The following GRID2 variants were observed in gnomAD, a reference collection of about 807,000 sequenced individuals.
The protein encoded by GRID2 is glutamate receptor ionotropic, delta-2.
GRID2 carries 33 observed loss-of-function variants against 114.8 expected under a neutral mutation model. The ratio of observed to expected loss-of-function variants is 0.29; its 90% CI spans 0.22 to 0.38. The LOEUF is 0.38. Among genes scored for constraint, GRID2 ranks in the 10% least tolerant of loss-of-function variants. The probability of loss-of-function intolerance (pLI) is 1.00; values close to 1 mark genes in which losing one functional copy is unlikely to be tolerated. For missense variants in GRID2, 1,184 were observed against 1,257.7 expected (o/e 0.94, Z 0.89); for synonymous variants, 505 against 449.9 (o/e 1.12, Z -1.55).
chr4:93,625,635 G>A (rs1047645685), intron 13 of GRID2, among the ~76,000 whole-genome samples: 5 of 152,218 alleles, frequency 3.3e-5, no homozygotes, highest in Admixed American at 1.3e-4. Flanking sequence ...AATACAGTGG[G>A]CCGGGCGCGG....
chr4:92,784,870 G>A (rs1443785905), intron 2 of GRID2, among the ~76,000 whole-genome samples: 1 of 151,804 alleles, frequency 6.6e-6, no homozygotes, highest in Non-Finnish European at 1.5e-5. Flanking sequence ...TTTTGATCCA[G>A]TGGTCTGAGC....
intron 2 of GRID2, among the ~76,000 whole-genome samples, chr4:92,937,796 G>T (rs1036219667): frequency 1.4e-5 from 2 of 146,336 alleles, no homozygotes; most frequent in African/African-American, 4.9e-5. Context: ...GATTGCTTTT[G>T]GTAGTATTTT....
intron 2 of GRID2, among the ~76,000 whole-genome samples, chr4:92,827,971 T>C (rs924145235): frequency 1.3e-5 from 2 of 152,064 alleles, no homozygotes; most frequent in Non-Finnish European, 2.9e-5. Flanking sequence ...TGTCAAAATA[T>C]ATCTCCACAA....
At chr4:93,166,835 T>C (rs1240753673) in intron 4 of GRID2, among the ~76,000 whole-genome samples, 1 of 152,138 alleles carries the variant, frequency 6.6e-6, no homozygotes, top group Non-Finnish European at 1.5e-5. Flanking sequence ...GGTCTCTGAT[T>C]CTCGTGAGTC....
At chr4:93,097,138 A>G (rs1044003835) in intron 3 of GRID2, among the ~76,000 whole-genome samples, 3 of 152,028 alleles carry the variant, frequency 2.0e-5, no homozygotes, top group Non-Finnish European at 1.5e-5. Context: ...TGTCTGGGGT[A>G]GATTGTCTGG....
chr4:93,175,246 C>A (rs147251538), intron 4 of GRID2, among the ~76,000 whole-genome samples: 327 of 152,288 alleles, frequency 2.1e-3, no homozygotes, highest in African/African-American at 7.5e-3. Flanking sequence ...TCTCGGCTCA[C>A]CGCAACCTCT....
chr4:93,788,282 C>G (rs1004699479), intron 1 of GRID2, among the ~76,000 whole-genome samples: 1 of 151,760 alleles, frequency 6.6e-6, no homozygotes, highest in African/African-American at 2.4e-5. Flanking sequence ...CACACCATTG[C>G]ACTCCAGCCA....
chr4:92,912,571 G>T (rs1748472634), intron 2 of GRID2, among the ~76,000 whole-genome samples: 1 of 151,662 alleles, frequency 6.6e-6, no homozygotes, highest in Admixed American at 6.6e-5. Flanking sequence ...TCATTACCAG[G>T]TACAAATCAG....
intron 2 of GRID2, among the ~76,000 whole-genome samples, chr4:93,011,060 G>A (rs1397987888): frequency 6.7e-6 from 1 of 150,136 alleles, no homozygotes; most frequent in Non-Finnish European, 1.5e-5. Flanking sequence ...TTGTTTCACT[G>A]ATTAGAAATA....
intron 2 of GRID2, among the ~76,000 whole-genome samples, chr4:92,751,654 T>G (rs1737460323): frequency 1.3e-5 from 2 of 152,214 alleles, no homozygotes. Context: ...TGTTCTGACC[T>G]TCCTTTGCCT....
intron 1 of GRID2, among the ~76,000 whole-genome samples, chr4:92,367,015 C>A (rs541740291): frequency 6.6e-6 from 1 of 152,110 alleles, no homozygotes; most frequent in African/African-American, 2.4e-5. Flanking sequence ...TCGAATATTT[C>A]TTGAATTCTT....
At chr4:92,500,698 A>T (rs537080056) in intron 1 of GRID2, among the ~76,000 whole-genome samples, 8 of 152,236 alleles carry the variant, frequency 5.3e-5, no homozygotes, top group Non-Finnish European at 1.2e-4. Context: ...GTGGTATGAA[A>T]TCTTTGTCCG....
chr4:92,921,631 G>A (rs1749347933), intron 2 of GRID2, among the ~76,000 whole-genome samples: 1 of 152,182 alleles, frequency 6.6e-6, no homozygotes, highest in Non-Finnish European at 1.5e-5. Flanking sequence ...CTGTTTACCT[G>A]AGTATCAGCA....
intron 1 of GRID2, among the ~76,000 whole-genome samples, chr4:92,397,300 A>C (rs1033803262): frequency 2.0e-5 from 3 of 151,582 alleles, no homozygotes; most frequent in African/African-American, 7.3e-5. Flanking sequence ...AGGAAGAAAA[A>C]ACAGCTGAGA....
intron 7 of GRID2, among the ~76,000 whole-genome samples, chr4:93,227,124 T>C (rs553560742): frequency 6.6e-6 from 1 of 152,190 alleles, no homozygotes; most frequent in Non-Finnish European, 1.5e-5. Flanking sequence ...TTGAAATTCC[T>C]TTTAAATCTT....
intron 1 of GRID2, among the ~76,000 whole-genome samples, chr4:92,389,441 AG>A: frequency 6.6e-6 from 1 of 152,216 alleles, no homozygotes; most frequent in Non-Finnish European, 1.5e-5. Context: ...CTTTTCTGAA[AG>A]GAAATAATAC....
At chr4:93,273,543 G>A (rs1751733746) in intron 8 of GRID2, among the ~76,000 whole-genome samples, 4 of 152,084 alleles carry the variant, frequency 2.6e-5, no homozygotes, top group South Asian at 4.1e-4. Context: ...TGGGGAAAGA[G>A]GAATTATATG....
chr4:93,453,978 T>G (rs2149409210), intron 10 of GRID2, among the ~76,000 whole-genome samples: 1 of 152,098 alleles, frequency 6.6e-6, no homozygotes, highest in East Asian at 1.9e-4. Flanking sequence ...TAGATTAAAC[T>G]AAAGCTCAGA....
intron 10 of GRID2, among the ~76,000 whole-genome samples, chr4:93,440,607 A>T (rs1721536956): frequency 6.6e-6 from 1 of 152,138 alleles, no homozygotes; most frequent in African/African-American, 2.4e-5. Context: ...GATATGGGAG[A>T]TCATACAACC....
Sources: allele counts gnomAD v4.1 joint callset (sites outside exome capture counted in the v4.1 genomes callset), GRCh38; gene constraint gnomAD v4.1.1; transcripts MANE v1.5; gene names NCBI Gene and HGNC (gene_info 2026-07-23, HGNC 2026-07-21).